Variants in GSE1 observed in about 807,000 individuals in gnomAD.
The protein encoded by GSE1 is Gse1 coiled-coil protein.
GSE1 carries 32 observed loss-of-function variants against 112.6 expected under a neutral mutation model. The observed-to-expected ratio is 0.28, with a 90% CI of 0.21 to 0.38. The LOEUF (loss-of-function observed/expected upper bound fraction) is 0.38, where lower values mean the gene tolerates loss of function less well. Ranked by LOEUF, GSE1 falls within the 10% of genes least tolerant of loss-of-function variation. The pLI is 1.00. For missense variants in GSE1, 2,348 were observed against 1,699.2 expected, an observed-to-expected ratio of 1.38 and a Z score of -6.71; for synonymous variants, 1,115 against 735.6, an observed-to-expected ratio of 1.52 and a Z score of -8.35.
At position 85,241,038 on chromosome 16, in the gene GSE1, C is replaced by A. The variant is rs1050097903; in HGVS notation, c.2283+69231C>A. 6.6e-5 allele frequency among the ~76,000 whole-genome samples: 10 copies of A among 152,288 alleles called. No homozygotes were observed. The East Asian group carries it at 1.7e-3, about 26-fold the overall frequency. ...GCTGGAGGAGGCCGTTTCCATCTTC[C>A]ATGGATGCCTGTCATGGTTTTCAAG... On this transcript the variant is annotated intron_variant, in intron 1 of 2. Coordinates refer to the GSE1 transcript ENST00000637419.
At chr16:85,421,243 C>T (rs774254703) in intron 2 of GSE1, among the ~76,000 whole-genome samples, 8 of 150,600 alleles carry the variant, frequency 5.3e-5, no homozygotes, top group Middle Eastern at 3.2e-3. Context: ...GCGATTTGGG[C>T]CCAAGACTGG....
At chr16:85,322,919 G>A (rs763686842) in intron 1 of GSE1, among the ~76,000 whole-genome samples, 2 of 152,138 alleles carry the variant, frequency 1.3e-5, no homozygotes, top group Non-Finnish European at 2.9e-5. Flanking sequence ...CCCAGCCTCC[G>A]TTTTGCTTTT....
rs144485058 is a variant in GSE1, at chr16:85,248,757, C to G, written c.2283+76950C>G. ...CCATCTCCCCCCATTGATACCAGCT[C>G]AGAAGGTCTTTAGTTAATGGGAACT... On this transcript the variant is annotated intron_variant, in intron 1 of 2. Coordinates refer to the GSE1 transcript ENST00000637419. Among the ~76,000 whole-genome samples, 3 of 152,358 alleles carry G rather than the reference C, an allele frequency of 2.0e-5. No homozygotes were observed. In the East Asian group the frequency reaches 5.8e-4, roughly 29 times the overall value.
chr16:85,414,112 AAC>A (rs1265241244), intron 2 of GSE1, among the ~76,000 whole-genome samples: 1 of 152,194 alleles, frequency 6.6e-6, no homozygotes, highest in African/African-American at 2.4e-5. Context: ...AGAACGGACT[AAC>A]ACAGAGGGTG....
At chr16:85,556,161 A>G (rs74597023) in exon 1 of GSE1, 1 of 830,434 alleles carries the variant, frequency 1.2e-6, no homozygotes. Context: ...GGAAAGACTG[A>G]TTTTTTTTTT....
intron 1 of GSE1, among the ~76,000 whole-genome samples, chr16:85,580,741 T>C (rs1401547282): frequency 1.3e-5 from 2 of 152,182 alleles, no homozygotes; most frequent in African/African-American, 2.4e-5. Context: ...GTTCTCAGGG[T>C]GGGCCCCTGC....
At chr16:85,603,101 C>T (rs1203916244) in intron 1 of GSE1, among the ~76,000 whole-genome samples, 2 of 152,274 alleles carry the variant, frequency 1.3e-5, no homozygotes, top group African/African-American at 4.8e-5. Context: ...GTGTCACGAC[C>T]TCCAGCTGCT....
intron 1 of GSE1, among the ~76,000 whole-genome samples, chr16:85,618,052 C>T (rs1043674408): frequency 6.6e-6 from 1 of 152,128 alleles, no homozygotes; most frequent in Admixed American, 6.6e-5. Context: ...AAGGGGCTTA[C>T]AAATGCAGAG....
chr16:85,300,960 G>C (rs2045506927), intron 1 of GSE1, among the ~76,000 whole-genome samples: 1 of 152,230 alleles, frequency 6.6e-6, no homozygotes, highest in South Asian at 2.1e-4. Flanking sequence ...CATAGGCAGA[G>C]ATGCAGTGGG....
intron 2 of GSE1, among the ~76,000 whole-genome samples, chr16:85,477,851 C>T (rs1264536869): frequency 3.3e-5 from 5 of 152,068 alleles, no homozygotes; most frequent in Admixed American, 6.6e-5. Flanking sequence ...TGAACCACCG[C>T]GCCCGGCCTA....
chr16:85,202,700 T>TG (rs1176073601), intron 1 of GSE1, among the ~76,000 whole-genome samples: 1 of 152,174 alleles, frequency 6.6e-6, no homozygotes, highest in Admixed American at 6.5e-5. Flanking sequence ...GGAGGGGCCC[T>TG]GGGGGGCCTC....
At chr16:85,328,220 G>A (rs1312572394) in intron 1 of GSE1, among the ~76,000 whole-genome samples, 3 of 152,188 alleles carry the variant, frequency 2.0e-5, no homozygotes, top group Non-Finnish European at 1.5e-5. Context: ...GCCCCTTTCC[G>A]CTCCTCCTCC....
intron 1 of GSE1, among the ~76,000 whole-genome samples, chr16:85,179,159 C>G (rs1013191869): frequency 3.3e-5 from 5 of 152,242 alleles, no homozygotes; most frequent in African/African-American, 1.2e-4. Context: ...AGTCAATCCC[C>G]GTCGCCTCCT....
chr16:85,475,557 C>G (rs1247034015), intron 2 of GSE1, among the ~76,000 whole-genome samples: 1 of 152,208 alleles, frequency 6.6e-6, no homozygotes, highest in African/African-American at 2.4e-5. Flanking sequence ...TGGCTCCAGC[C>G]TTCAGAAGCT....
In GSE1 at chr16:85,237,818, A is replaced by G. The variant is rs537396277; in HGVS notation, c.2283+66011A>G. ...GCGCCACCGCACTCCAGTCTGGGCG[A>G]CAGAGCAAGACTCTGTCCCCCGCAA... On this transcript the variant is annotated intron_variant, in intron 1 of 2. Coordinates refer to the GSE1 transcript ENST00000637419. Among the ~76,000 whole-genome samples the G allele has an allele frequency of 7.3e-5, 11 of 151,378 alleles. No homozygotes were observed. The East Asian group carries it at 2.2e-3, about 30-fold the overall frequency.
rs1249091860 is a variant in GSE1, at chr16:85,673,149, TAAAGATA to T, written c.*614_*620del. On this transcript the variant is annotated 3_prime_UTR_variant, in exon 16 of 16. Coordinates refer to ENST00000253458, the MANE Select transcript of GSE1 (RefSeq NM_014615.5). ...TTCCCTGGAAAAGCTCTTTCTTACC[TAAAGATA>T]AAACCAATTCACAAACTGAAGGTAG... 6 of 152,506 alleles carry T rather than the reference TAAAGATA, an allele frequency of 3.9e-5. No individual in the cohort carries two copies. The highest frequency in any genetic ancestry group is 2.0e-4 in the Admixed American group (3 of 15,280). The allele number at this position is 152,506 out of a possible 1,614,324, so 9.4% of individuals were successfully genotyped here. A position where few individuals can be genotyped will look rare whatever the true frequency, so the allele number is the denominator to read the frequency against.
rs139678884 is a variant in GSE1 at position 85,619,207 on chromosome 16, C to T, written c.7+5809C>T. On this transcript the variant is annotated intron_variant, in intron 1 of 15. Transcript: ENST00000253458. The stretch of plus-strand genomic sequence containing the variant: ...CACTGCCCCCTTGGTGATTGGCACT[C>T]TGGGCCCAGGTGGCGGGAGATGCTT... Among the ~76,000 whole-genome samples the T allele has an allele frequency of 2.4e-4, 37 of 152,358 alleles. 1 individual carries two copies. In the East Asian group the frequency reaches 5.6e-3, roughly 23 times the overall value.
At chr16:85,272,751 C>G (rs1478530457) in intron 1 of GSE1, among the ~76,000 whole-genome samples, 1 of 141,812 alleles carries the variant, frequency 7.1e-6, no homozygotes, top group East Asian at 2.4e-4. Context: ...TGCTTGCTTG[C>G]TTGCTTGCTT....
chr16:85,185,480 C>T (rs1445061273), intron 1 of GSE1: 2 of 152,344 alleles, frequency 1.3e-5, no homozygotes, highest in African/African-American at 4.8e-5. Context: ...ATGCAGAGCG[C>T]AGCATCTGGC....
Sources: allele counts gnomAD v4.1 joint callset (sites outside exome capture counted in the v4.1 genomes callset), GRCh38; gene constraint gnomAD v4.1.1; transcripts MANE v1.5; gene names NCBI Gene and HGNC (gene_info 2026-07-23, HGNC 2026-07-21).